Variants in LMF1 observed in about 807,000 individuals in gnomAD.
The protein encoded by LMF1 is lipase maturation factor 1.
In LMF1, 68 loss-of-function variants were observed where a neutral mutation model predicts 60.6. The ratio of observed to expected loss-of-function variants is 1.12; its 90% CI spans 0.92 to 1.37. The LOEUF (loss-of-function observed/expected upper bound fraction) is 1.37, where lower values mean the gene tolerates loss of function less well. LMF1 is among the 40% of genes most tolerant of loss of function. LMF1 has a pLI of 0.00. For synonymous variants in LMF1, 418 were observed against 324.7 expected, an observed-to-expected ratio of 1.29 and a Z score of -3.09; for missense variants, 948 against 767.2, an observed-to-expected ratio of 1.24 and a Z score of -2.78.
intron 3 of LMF1, among the ~76,000 whole-genome samples, chr16:930,317 C>G (rs1424770527): frequency 6.6e-6 from 1 of 152,244 alleles, no homozygotes; most frequent in Non-Finnish European, 1.5e-5. Context: ...GGCGAGCTCG[C>G]TGGAGGGGCT....
chr16:869,559 C>T, intron 9 of LMF1: 2 of 597,502 alleles, frequency 3.3e-6, no homozygotes, highest in South Asian at 1.5e-5. Context: ...GCTGAAACCA[C>T]AGGCGCCACC....
At chr16:917,945 C>A (rs976081784) in intron 3 of LMF1, among the ~76,000 whole-genome samples, 6 of 152,232 alleles carry the variant, frequency 3.9e-5, no homozygotes, top group East Asian at 1.9e-4. Context: ...CCATGTCTCA[C>A]GTCCTGAGGA....
intron 2 of LMF1, among the ~76,000 whole-genome samples, chr16:937,346 C>G (rs1421224834): frequency 6.6e-6 from 1 of 152,216 alleles, no homozygotes; most frequent in African/African-American, 2.4e-5. Flanking sequence ...TAAAGAAACT[C>G]AAGTCCTTTC....
At chr16:977,904 C>G (rs1321637911) in intron 1 of LMF1, among the ~76,000 whole-genome samples, 3 of 123,962 alleles carry the variant, frequency 2.4e-5, no homozygotes, top group Non-Finnish European at 5.3e-5. Flanking sequence ...ACACACTAAA[C>G]ACACACACCA....
At chr16:927,835 T>C (rs936630144) in intron 3 of LMF1, among the ~76,000 whole-genome samples, 14 of 152,242 alleles carry the variant, frequency 9.2e-5, no homozygotes, top group Non-Finnish European at 1.9e-4. Flanking sequence ...GAGCATTTAA[T>C]TCACAATGGC....
chr16:862,177 A>ATTT lies in LMF1; in HGVS notation c.1529+6764_1529+6766dup, dbSNP rs60103923. On this transcript the variant is annotated intron_variant, in intron 10 of 10. Coordinates refer to ENST00000262301, the MANE Select transcript of LMF1 (RefSeq NM_022773.4). The stretch of plus-strand genomic sequence containing the variant: ...ATATATTGGCAAATTCTATTTAGTA[A>ATTT]TTTTTTTTTTTTTTTTGAGGCAGAG... 6.5e-4 allele frequency among the ~76,000 whole-genome samples: 93 copies of ATTT among 142,862 alleles called. 1 individual carries two copies. The highest frequency in any genetic ancestry group is 2.3e-3 in the African/African-American group (89 of 39,042). 93.7% of individuals were successfully genotyped at this position (142,862 alleles called of 152,430 possible).
chr16:857,554 A>T lies in LMF1; in HGVS notation c.1530-2848T>A, dbSNP rs372329889. ...TCACGGGACGGGTGTGAGTGGTGTC[A>T]CGGGACGGGTGTGAGTGGTGTCTCG... is the stretch of plus-strand genomic sequence containing the variant. On this transcript the variant is annotated intron_variant, in intron 10 of 10. Transcript: ENST00000262301. Among the ~76,000 whole-genome samples, 95 of 32,204 alleles carry T rather than the reference A, an allele frequency of 2.9e-3. 5 individuals carry two copies. Among genetic ancestry groups the T allele is most frequent in the African/African-American group, 9.0e-3 (44 of 4,874 alleles). The allele number at this position is 32,204 out of a possible 152,430, so 21.1% of individuals were successfully genotyped here.
chr16:980,073 G>A (rs1462916339), intron 1 of LMF1: 1 of 303,248 alleles, frequency 3.3e-6, no homozygotes, highest in Non-Finnish European at 6.5e-6. Context: ...CACCTACGAT[G>A]CGTGGAGCCT....
chr16:868,804 G>A, intron 10 of LMF1, 140 bp downstream of exon 10: 1 of 559,426 alleles, frequency 1.8e-6, no homozygotes, highest in South Asian at 2.0e-5. Context: ...TTTGCTCCCA[G>A]CAGGCCCCAC....
intron 3 of LMF1, among the ~76,000 whole-genome samples, chr16:932,499 T>G (rs776115398): frequency 1.6e-4 from 25 of 152,214 alleles, no homozygotes; most frequent in Non-Finnish European, 3.2e-4. Flanking sequence ...CAGGGACTTC[T>G]CCCGCTAGAC....
intron 6 of LMF1, among the ~76,000 whole-genome samples, chr16:876,990 T>C (rs1347871665): frequency 2.6e-5 from 4 of 152,232 alleles, no homozygotes; most frequent in Non-Finnish European, 5.9e-5. Flanking sequence ...ACGGCCACGC[T>C]GACCCTAAGC....
chr16:911,071 A>G lies in LMF1; in HGVS notation c.523T>C (p.Ser175Pro). Residue 175 changes from serine (S) to proline (P), a missense_variant, in exon 4 of 11, where the codon TCC becomes CCC. Transcript: ENST00000262301. ...AGGAACCCCGTCTCCAGAAGCTGGGACTCCCATCCTAAAACAACGAGACAT... is the reference window on the plus strand; with the variant it reads ...AGGAACCCCGTCTCCAGAAGCTGGGGCTCCCATCCTAAAACAACGAGACAT... ...GHVWYSFGWESQLLETGFLGI... is the reference protein window; with the variant it reads ...GHVWYSFGWEPQLLETGFLGI... 1 of 1,611,572 alleles carries G rather than the reference A, an allele frequency of 6.2e-7. No individual in the cohort carries two copies. The highest frequency in any genetic ancestry group is 8.5e-7 in the Non-Finnish European group (1 of 1,179,252).
In LMF1 at chr16:870,782, C is replaced by G. The variant is rs1241056699; in HGVS notation, c.1179G>C (p.Met393Ile). The change falls in exon 8 of 11, where the codon ATG (methionine) becomes ATC (isoleucine). Residue 393 changes from methionine (M) to isoleucine (I), a missense_variant. Physicochemically the swap from Met to Ile is conservative, Grantham distance 10. Transcript: ENST00000262301. The part of the protein sequence containing the change: ...VLNLLSSRQV[M>I]NTHFNSLHIV... ...TGTGAAGAGAGTTGAAGTGGGTGTT[C>G]ATGACCTGCCTGGAGCTCAGCAAGT... The G allele has an allele frequency of 6.2e-7, 1 of 1,612,808 alleles. No homozygotes were observed. The highest frequency in any genetic ancestry group is 1.3e-5 in the African/African-American group (1 of 74,926).
intron 5 of LMF1, among the ~76,000 whole-genome samples, chr16:892,151 G>A (rs1263751096): frequency 6.6e-6 from 1 of 152,258 alleles, no homozygotes; most frequent in Admixed American, 6.5e-5. Context: ...ACGCTTGGAG[G>A]CGGTGAGTGC....
chr16:924,353 G>T (rs192819235), intron 3 of LMF1, among the ~76,000 whole-genome samples: 1 of 152,098 alleles, frequency 6.6e-6, no homozygotes, highest in Non-Finnish European at 1.5e-5. Flanking sequence ...GTACGGCAAG[G>T]GCTTCTGTTT....
rs532618675 is a variant in LMF1, at chr16:898,421, C to T, written c.664-5349G>A. Among the ~76,000 whole-genome samples the T allele has an allele frequency of 5.9e-4, 90 of 152,342 alleles. No individual in the cohort carries two copies. In the Middle Eastern group the frequency reaches 0.014, roughly 23 times the overall value. ...TGCCAGCCGGGAGAGCCTGGGCTTC[C>T]GGGATCTAAGGCCTGTTCTCAGAGG... On this transcript the variant is annotated intron_variant, in intron 4 of 10. Coordinates refer to ENST00000262301, the MANE Select transcript of LMF1 (RefSeq NM_022773.4).
chr16:867,626 G>A (rs1037827576), intron 10 of LMF1, among the ~76,000 whole-genome samples: 1 of 152,238 alleles, frequency 6.6e-6, no homozygotes, highest in Non-Finnish European at 1.5e-5. Context: ...TGGCAGGCAA[G>A]TCACCTGGAG....
At chr16:964,592 C>T (rs1039274667) in intron 1 of LMF1, among the ~76,000 whole-genome samples, 6 of 152,082 alleles carry the variant, frequency 3.9e-5, no homozygotes, top group African/African-American at 7.2e-5. Flanking sequence ...TCAAGTGGCC[C>T]GGAGAAAAGA....
intron 4 of LMF1, chr16:901,201 A>C (rs1220555724): frequency 2.0e-5 from 3 of 152,216 alleles, no homozygotes; most frequent in Non-Finnish European, 2.9e-5. Flanking sequence ...TCCCAGCAAC[A>C]AGGACCCTGG....
Sources: gnomAD v4.1 joint callset for allele counts (sites outside exome capture counted in the v4.1 genomes callset) on GRCh38, gnomAD v4.1.1 for gene constraint, MANE v1.5 for transcripts, NCBI Gene and HGNC (gene_info 2026-07-23, HGNC 2026-07-21) for gene names.